Variants in NPAS3 observed in about 807,000 individuals in gnomAD.
NPAS3 encodes the protein neuronal PAS domain protein 3.
In NPAS3, 14 loss-of-function variants were observed where a neutral mutation model predicts 73.1. The observed-to-expected ratio is 0.19, with a 90% CI of 0.13 to 0.30. NPAS3 has a LOEUF of 0.30. NPAS3 is among the 10% of genes least tolerant of loss of function. The probability of loss-of-function intolerance (pLI) is 1.00; values close to 1 mark genes in which losing one functional copy is unlikely to be tolerated. For synonymous variants in NPAS3, 620 were observed against 541.5 expected (o/e 1.14, Z -2.01); for missense variants, 1,096 against 1,250.0 (o/e 0.88, Z 1.86).
intron 3 of NPAS3, among the ~76,000 whole-genome samples, chr14:33,364,810 T>A (rs1294803915): frequency 6.6e-6 from 1 of 151,592 alleles, no homozygotes; most frequent in East Asian, 2.0e-4. Flanking sequence ...ACAGCGTCTA[T>A]GCTTTCAGAA....
At chr14:33,756,214 C>G (rs1202931553) in intron 7 of NPAS3, among the ~76,000 whole-genome samples, 1 of 152,080 alleles carries the variant, frequency 6.6e-6, no homozygotes, top group Non-Finnish European at 1.5e-5. Flanking sequence ...ATGAGTAATA[C>G]AGAGACCATA....
intron 3 of NPAS3, among the ~76,000 whole-genome samples, chr14:33,359,643 C>A (rs186836807): frequency 6.6e-6 from 1 of 152,254 alleles, no homozygotes; most frequent in Admixed American, 6.5e-5. Flanking sequence ...CCAAATCTAA[C>A]CCTTATTAAA....
At chr14:33,372,869 A>T (rs2046151807) in intron 4 of NPAS3, among the ~76,000 whole-genome samples, 1 of 152,214 alleles carries the variant, frequency 6.6e-6, no homozygotes, top group Non-Finnish European at 1.5e-5. Context: ...GGAGATCATT[A>T]TGTGGGATCC....
At chr14:33,090,070 C>T (rs561882719) in intron 2 of NPAS3, among the ~76,000 whole-genome samples, 1 of 152,284 alleles carries the variant, frequency 6.6e-6, no homozygotes, top group South Asian at 2.1e-4. Context: ...ACCATCGATG[C>T]TAGGAAGAAA....
At chr14:33,414,952 C>T (rs1375734037) in intron 4 of NPAS3, among the ~76,000 whole-genome samples, 1 of 152,148 alleles carries the variant, frequency 6.6e-6, no homozygotes, top group Non-Finnish European at 1.5e-5. Context: ...GCTCCCCTCT[C>T]CCAATCTCCA....
chr14:33,045,644 G>A (rs1033641108), intron 1 of NPAS3, among the ~76,000 whole-genome samples: 10 of 152,112 alleles, frequency 6.6e-5, no homozygotes, highest in Non-Finnish European at 1.3e-4. Flanking sequence ...ATGTTGTTAA[G>A]CTTAGTTCAA....
At chr14:33,494,686 T>G (rs1367118936) in intron 4 of NPAS3, among the ~76,000 whole-genome samples, 1 of 152,134 alleles carries the variant, frequency 6.6e-6, no homozygotes, top group Non-Finnish European at 1.5e-5. Context: ...TACTGTTGTT[T>G]AAACCATAGG....
At chr14:33,239,694 A>G (rs1566713007) in intron 3 of NPAS3, among the ~76,000 whole-genome samples, 1 of 151,912 alleles carries the variant, frequency 6.6e-6, no homozygotes, top group Non-Finnish European at 1.5e-5. Context: ...CGTTTTTAAC[A>G]TAAACATTAT....
At chr14:33,019,480 G>A (rs2039513302) in intron 1 of NPAS3, among the ~76,000 whole-genome samples, 1 of 151,760 alleles carries the variant, frequency 6.6e-6, no homozygotes, top group African/African-American at 2.4e-5. Flanking sequence ...GTAGCCTATG[G>A]CTTTAAAAAA....
At chr14:33,013,198 A>C (rs1179807750) in intron 1 of NPAS3, among the ~76,000 whole-genome samples, 1 of 152,228 alleles carries the variant, frequency 6.6e-6, no homozygotes, top group East Asian at 1.9e-4. Context: ...CATACAACAA[A>C]TGAGAATGTT....
chr14:33,167,836 T>C (rs549841650), intron 2 of NPAS3, among the ~76,000 whole-genome samples: 1 of 152,312 alleles, frequency 6.6e-6, no homozygotes, highest in South Asian at 2.1e-4. Context: ...ACGATGATAT[T>C]TGCAGCATAC....
intron 3 of NPAS3, among the ~76,000 whole-genome samples, chr14:33,219,081 G>A (rs377750391): frequency 6.6e-6 from 1 of 152,126 alleles, no homozygotes; most frequent in Non-Finnish European, 1.5e-5. Flanking sequence ...AACATTATGC[G>A]TTATTCAAGA....
intron 4 of NPAS3, among the ~76,000 whole-genome samples, chr14:33,520,580 A>G (rs1463138988): frequency 6.6e-6 from 1 of 152,140 alleles, no homozygotes; most frequent in African/African-American, 2.4e-5. Flanking sequence ...AAGCAATAAA[A>G]GTGCCGTTTT....
intron 5 of NPAS3, among the ~76,000 whole-genome samples, chr14:33,578,503 G>A (rs543306012): frequency 7.9e-5 from 12 of 152,146 alleles, no homozygotes; most frequent in South Asian, 4.1e-4. Flanking sequence ...CCCAACACCC[G>A]TCTTTTGCAC....
intron 5 of NPAS3, among the ~76,000 whole-genome samples, chr14:33,608,259 A>G (rs2057639667): frequency 6.6e-6 from 1 of 152,158 alleles, no homozygotes; most frequent in Admixed American, 6.6e-5. Context: ...GTTGCTTTCC[A>G]GTCCCTTTCA....
intron 1 of NPAS3, among the ~76,000 whole-genome samples, chr14:32,946,372 A>G (rs1186673660): frequency 2.0e-5 from 3 of 151,428 alleles, no homozygotes; most frequent in African/African-American, 7.3e-5. Context: ...ACACACACAC[A>G]CACACACACA....
At chr14:33,059,863 A>G (rs1038216707) in intron 2 of NPAS3, among the ~76,000 whole-genome samples, 35 of 152,322 alleles carry the variant, frequency 2.3e-4, no homozygotes, top group African/African-American at 8.4e-4. Flanking sequence ...CAGTGGTGCA[A>G]TCATAGCTCA....
chr14:33,327,519 T>G (rs1469668107), intron 3 of NPAS3, among the ~76,000 whole-genome samples: 1 of 152,222 alleles, frequency 6.6e-6, no homozygotes, highest in African/African-American at 2.4e-5. Flanking sequence ...TGCAGGAAAC[T>G]TAAAGCATAT....
At chr14:33,010,938 C>CAA (rs77196350) in intron 1 of NPAS3, among the ~76,000 whole-genome samples, 1,225 of 120,028 alleles carry the variant, frequency 0.01, 18 homozygotes, top group Middle Eastern at 0.016. Flanking sequence ...GAACCTGTCT[C>CAA]AAAAAAAAAA....
Sources: gnomAD v4.1 joint callset for allele counts (sites outside exome capture counted in the v4.1 genomes callset) on GRCh38, gnomAD v4.1.1 for gene constraint, MANE v1.5 for transcripts, NCBI Gene and HGNC (gene_info 2026-07-23, HGNC 2026-07-21) for gene names.